Variants in C14orf39 observed in about 807,000 individuals in gnomAD.
C14orf39 encodes chromosome 14 open reading frame 39.
In C14orf39, 66 loss-of-function variants were observed where a neutral mutation model predicts 85.6. The ratio of observed to expected loss-of-function variants is 0.77; its 90% CI spans 0.63 to 0.95. The LOEUF is 0.95. Among genes scored for constraint, C14orf39 ranks in the 40% least tolerant of loss-of-function variants. The pLI, the probability that C14orf39 is intolerant of heterozygous loss-of-function variation, is 0.00. For synonymous variants in C14orf39, 242 were observed against 214.0 expected, an observed-to-expected ratio of 1.13 and a Z score of -1.14; for missense variants, 735 against 663.9, an observed-to-expected ratio of 1.11 and a Z score of -1.18.
chr14:60,496,348 C>A, intron 2 of C14orf39: 1 of 353,224 alleles, frequency 2.8e-6, no homozygotes, highest in South Asian at 2.6e-5. Flanking sequence ...CCTGAAGAGT[C>A]ACATTTGTGT....
At chr14:60,466,884 A>C in intron 10 of C14orf39, 33 bp downstream of exon 10, 1 of 1,447,432 alleles carries the variant, frequency 6.9e-7, no homozygotes, top group Non-Finnish European at 9.1e-7. Context: ...TGCAAAAAAA[A>C]TGATGTTTTT....
chr14:60,465,851 AACACACACACAC>A (rs10529202), intron 11 of C14orf39, 116 bp downstream of exon 11: 4,227 of 414,882 alleles, frequency 0.01, 146 homozygotes, highest in African/African-American at 0.079. Flanking sequence ...ATAAATTTAT[AACACACACACAC>A]ACACACACAC....
chr14:60,509,991 G>C, intron 1 of C14orf39: 1 of 1,574,550 alleles, frequency 6.4e-7, no homozygotes, highest in Non-Finnish European at 8.6e-7. Flanking sequence ...AGAGGCCTCC[G>C]CGCTTTGAGC....
At chr14:60,476,175 G>A (rs888175731) in intron 5 of C14orf39, among the ~76,000 whole-genome samples, 5 of 152,178 alleles carry the variant, frequency 3.3e-5, no homozygotes, top group South Asian at 2.1e-4. Context: ...CTATTTAATC[G>A]CTTGGGAAAA....
chr14:60,450,737 T>C (rs1454844988), intron 16 of C14orf39, among the ~76,000 whole-genome samples: 3 of 152,296 alleles, frequency 2.0e-5, no homozygotes, highest in East Asian at 1.9e-4. Context: ...GCTTCAGGAA[T>C]GGCCCAGTGC....
In C14orf39 at chr14:60,484,363, C is replaced by T. The variant is rs896407699; in HGVS notation, c.106+518G>A. 1.3e-5 allele frequency among the ~76,000 whole-genome samples: 2 copies of T among 152,102 alleles called. No individual in the cohort carries two copies. The highest frequency in any genetic ancestry group is 4.8e-5 in the African/African-American group (2 of 41,402). On this transcript the variant is annotated intron_variant, in intron 3 of 17. Transcript: ENST00000321731. This position sits in a 1 kb window ranked among gnomAD's most constrained non-coding sequence, Gnocchi z 4.2. Reference sequence around the variant, plus strand: ...TTTGATTGCAGAAAATATAACCAAACTCTACCTTTTCAGAACGATGAAGAA... The same window carrying T: ...TTTGATTGCAGAAAATATAACCAAATTCTACCTTTTCAGAACGATGAAGAA...
chr14:60,485,942 C>A lies in C14orf39; in HGVS notation c.-9+3G>T. The A allele has an allele frequency of 6.5e-6, 1 of 153,074 alleles. No homozygotes were observed. The highest frequency in any genetic ancestry group is 1.5e-5 in the Non-Finnish European group (1 of 68,466). 9.5% of individuals were successfully genotyped at this position (153,074 alleles called of 1,614,324 possible). A position where few individuals can be genotyped will look rare whatever the true frequency, so the allele number is the denominator to read the frequency against. On this transcript the variant is annotated splice_donor_region_variant and intron_variant, in intron 1 of 17. Coordinates refer to ENST00000321731, the MANE Select transcript of C14orf39 (RefSeq NM_174978.3). ...GCCACATGCAGCTCCCTTCCACACG[C>A]ACCTAAACAGCTCCTCTGGACCCGA...
intron 1 of C14orf39, among the ~76,000 whole-genome samples, chr14:60,501,642 G>C (rs1282050543): frequency 1.3e-5 from 2 of 152,156 alleles, no homozygotes; most frequent in Non-Finnish European, 2.9e-5. Flanking sequence ...CAAATACAGA[G>C]GGCATTTGGG....
intron 2 of C14orf39, chr14:60,496,272 G>T: frequency 2.6e-6 from 1 of 387,134 alleles, no homozygotes; most frequent in South Asian, 2.0e-5. Context: ...TCTGCTCAAG[G>T]ACCCACTGGA....
chr14:60,439,998 C>G (rs997277172), intron 17 of C14orf39, among the ~76,000 whole-genome samples: 5 of 152,104 alleles, frequency 3.3e-5, no homozygotes, highest in African/African-American at 1.2e-4. Flanking sequence ...TTGCTTGAAC[C>G]CAGGAGGCGG....
intron 5 of C14orf39, among the ~76,000 whole-genome samples, chr14:60,476,432 G>A (rs1025909358): frequency 3.3e-5 from 5 of 152,180 alleles, no homozygotes; most frequent in African/African-American, 7.2e-5. Context: ...GAGATTAGGA[G>A]AAACAAGTAA....
At chr14:60,468,635 T>A in intron 8 of C14orf39, 99 bp from the exon 9 acceptor site, 1 of 594,730 alleles carries the variant, frequency 1.7e-6, no homozygotes, top group Non-Finnish European at 2.7e-6. Context: ...ATCATAAGAT[T>A]CATATTTTTG....
chr14:60,495,099 G>C, intron 2 of C14orf39: 2 of 243,136 alleles, frequency 8.2e-6, no homozygotes, highest in Non-Finnish European at 1.7e-5. Context: ...TCTTCAAGTT[G>C]CCTTTGGTAG....
chr14:60,470,731 A>G (rs1179612650), intron 7 of C14orf39, among the ~76,000 whole-genome samples: 1 of 151,862 alleles, frequency 6.6e-6, no homozygotes, highest in Non-Finnish European at 1.5e-5. Flanking sequence ...AGGATGGTTT[A>G]GAATGAAGCA....
intron 7 of C14orf39, 65 bp downstream of exon 7, chr14:60,471,352 A>G (rs1892066540): frequency 1.7e-6 from 2 of 1,202,824 alleles, no homozygotes; most frequent in Admixed American, 5.0e-5. Flanking sequence ...AAACACAGTA[A>G]CAATTAAAAT....
At chr14:60,476,424 G>A (rs1892379999) in intron 5 of C14orf39, among the ~76,000 whole-genome samples, 1 of 152,226 alleles carries the variant, frequency 6.6e-6, no homozygotes, top group Admixed American at 6.5e-5. Context: ...AGGGATGGGA[G>A]ATTAGGAGAA....
chr14:60,509,854 C>T (rs754002534), intron 1 of C14orf39: 1 of 1,613,830 alleles, frequency 6.2e-7, no homozygotes, highest in Non-Finnish European at 8.5e-7. Context: ...AGGATCCATA[C>T]CCTAACCCCA....
chr14:60,444,365 G>T (rs527430289), intron 16 of C14orf39, among the ~76,000 whole-genome samples: 1 of 152,052 alleles, frequency 6.6e-6, no homozygotes, highest in Admixed American at 6.5e-5. Flanking sequence ...ATGGCCTGAT[G>T]GAGCTGAAAA....
intron 2 of C14orf39, chr14:60,495,949 C>T (rs1052876510): frequency 8.7e-6 from 4 of 457,558 alleles, no homozygotes. Flanking sequence ...GGGGGCAAGA[C>T]ATGACATTTG....
Sources: gnomAD v4.1 joint callset for allele counts (sites outside exome capture counted in the v4.1 genomes callset) on GRCh38, gnomAD v4.1.1 for gene constraint, Gnocchi (gnomAD v3.1) non-coding constraint, MANE v1.5 for transcripts, NCBI Gene and HGNC (gene_info 2026-07-23, HGNC 2026-07-21) for gene names.